Variants in ZBTB16 observed in about 807,000 individuals in gnomAD.
ZBTB16 encodes zinc finger and BTB domain-containing protein 16.
A neutral mutation model predicts 56.8 loss-of-function variants in ZBTB16; 8 were observed. The observed-to-expected ratio is 0.14, with a 90% CI of 0.08 to 0.25. The LOEUF is 0.25. ZBTB16 is among the 10% of genes least tolerant of loss of function. The pLI is 1.00. For synonymous variants in ZBTB16, 363 were observed against 368.5 expected (o/e 0.98, Z 0.17); for missense variants, 625 against 903.0 (o/e 0.69, Z 3.95).
chr11:114,203,774 T>A (rs565155406), intron 4 of ZBTB16, among the ~76,000 whole-genome samples: 1 of 152,294 alleles, frequency 6.6e-6, no homozygotes, highest in East Asian at 1.9e-4. Context: ...TGCAGGAGAC[T>A]GTGGCACCTT....
chr11:114,087,277 G>T (rs1262620419), intron 2 of ZBTB16, among the ~76,000 whole-genome samples: 2 of 152,160 alleles, frequency 1.3e-5, no homozygotes, highest in African/African-American at 2.4e-5. Context: ...ACAATCTTGT[G>T]GTTTCCACAA....
intron 4 of ZBTB16, among the ~76,000 whole-genome samples, chr11:114,202,999 C>A (rs932512273): frequency 1.3e-5 from 2 of 152,212 alleles, no homozygotes; most frequent in African/African-American, 4.8e-5. Context: ...TAAAAACTTA[C>A]TCATGAACAT....
intron 2 of ZBTB16, among the ~76,000 whole-genome samples, chr11:114,077,831 C>A (rs373316730): frequency 5.6e-4 from 86 of 152,330 alleles, no homozygotes; most frequent in African/African-American, 2.0e-3. Context: ...CTCCTAAATT[C>A]TGCTTTTGTC....
intron 3 of ZBTB16, among the ~76,000 whole-genome samples, chr11:114,182,075 G>T (rs914576372): frequency 5.9e-5 from 9 of 152,138 alleles, no homozygotes; most frequent in African/African-American, 1.9e-4. Flanking sequence ...TTTTGAGACA[G>T]GGTTTCACTC....
At chr11:114,131,330 A>G (rs1324313884) in intron 2 of ZBTB16, among the ~76,000 whole-genome samples, 1 of 152,252 alleles carries the variant, frequency 6.6e-6, no homozygotes, top group Non-Finnish European at 1.5e-5. Flanking sequence ...AAATGCCAAT[A>G]GTGCTGAGGC....
chr11:114,221,004 G>A (rs910318997), intron 4 of ZBTB16, among the ~76,000 whole-genome samples: 5 of 152,210 alleles, frequency 3.3e-5, no homozygotes, highest in South Asian at 2.1e-4. Flanking sequence ...CGTAGAATAC[G>A]TGTAAGCATC....
At chr11:114,243,454 G>C (rs915590672) in intron 5 of ZBTB16, among the ~76,000 whole-genome samples, 1 of 152,204 alleles carries the variant, frequency 6.6e-6, no homozygotes, top group Admixed American at 6.5e-5. Context: ...CCAGCAGCAG[G>C]TATCCTCATT....
intron 4 of ZBTB16, among the ~76,000 whole-genome samples, chr11:114,218,430 C>T (rs1944157618): frequency 6.6e-6 from 1 of 152,236 alleles, no homozygotes. Context: ...CCCTGTCCCA[C>T]ACTGATCCTA....
At chr11:114,197,618 A>C (rs1419922572) in intron 4 of ZBTB16, among the ~76,000 whole-genome samples, 1 of 140,778 alleles carries the variant, frequency 7.1e-6, no homozygotes, top group Non-Finnish European at 1.6e-5. Flanking sequence ...TGAACTTCAG[A>C]GTAGAAAATG....
chr11:114,103,820 A>G (rs948521926), intron 2 of ZBTB16, among the ~76,000 whole-genome samples: 1 of 152,108 alleles, frequency 6.6e-6, no homozygotes, highest in African/African-American at 2.4e-5. Flanking sequence ...TTCTATTTCA[A>G]ACAGAGGTGT....
At chr11:114,085,996 T>C (rs536802833) in intron 2 of ZBTB16, among the ~76,000 whole-genome samples, 2 of 152,262 alleles carry the variant, frequency 1.3e-5, no homozygotes, top group East Asian at 1.9e-4. Context: ...CTCAGCCTTC[T>C]ACGTATTTAG....
chr11:114,096,052 A>T (rs944394634), intron 2 of ZBTB16, among the ~76,000 whole-genome samples: 10 of 152,176 alleles, frequency 6.6e-5, no homozygotes, highest in Non-Finnish European at 1.5e-4. Flanking sequence ...ATTCCAAAAG[A>T]TCTACTTAAG....
intron 2 of ZBTB16, among the ~76,000 whole-genome samples, chr11:114,122,187 G>T (rs1381399172): frequency 1.3e-5 from 2 of 152,186 alleles, no homozygotes; most frequent in African/African-American, 4.8e-5. Context: ...GAAAAACATG[G>T]CATCCTTAGA....
At chr11:114,239,894 C>A (rs1433226926) in intron 4 of ZBTB16, among the ~76,000 whole-genome samples, 1 of 152,188 alleles carries the variant, frequency 6.6e-6, no homozygotes, top group Non-Finnish European at 1.5e-5. Context: ...ATTTTCAGAT[C>A]CCAACTCTGC....
chr11:114,178,809 C>T (rs1943180174), intron 3 of ZBTB16, among the ~76,000 whole-genome samples: 1 of 152,136 alleles, frequency 6.6e-6, no homozygotes, highest in African/African-American at 2.4e-5. Context: ...AGCATTTCCT[C>T]CTGACCCAGT....
intron 4 of ZBTB16, among the ~76,000 whole-genome samples, chr11:114,190,942 A>C (rs1365784627): frequency 1.3e-5 from 2 of 152,126 alleles, no homozygotes; most frequent in Non-Finnish European, 2.9e-5. Flanking sequence ...GGCTCTGGGG[A>C]GGCCTCAGGA....
At position 114,254,477 on chromosome 11, in the gene ZBTB16, T is replaced by C. The variant is rs774556811; in HGVS notation, c.*3922T>C. ...ATGCTATTGGTACAATTGCTGTGGA[T>C]GGAAGAGGGCCATTGAGCTTACCTC... On this transcript the variant is annotated 3_prime_UTR_variant, in exon 7 of 7. Coordinates refer to ENST00000335953, the MANE Select transcript of ZBTB16 (RefSeq NM_006006.6). 6.6e-6 allele frequency among the ~76,000 whole-genome samples: 1 copy of C among 152,166 alleles called. No individual in the cohort carries two copies. Among genetic ancestry groups the C allele is most frequent in the Non-Finnish European group, 1.5e-5 (1 of 68,016 alleles).
At chr11:114,220,582 C>T (rs998661987) in intron 4 of ZBTB16, among the ~76,000 whole-genome samples, 2 of 152,180 alleles carry the variant, frequency 1.3e-5, no homozygotes, top group Non-Finnish European at 2.9e-5. Flanking sequence ...AGATGGGAAG[C>T]TCTACCAGGG....
chr11:114,199,886 T>A (rs904338286), intron 4 of ZBTB16, among the ~76,000 whole-genome samples: 1 of 152,186 alleles, frequency 6.6e-6, no homozygotes, highest in Non-Finnish European at 1.5e-5. Flanking sequence ...CCCAGCACTT[T>A]GGGAGGCCGA....
Sources: gnomAD v4.1 joint callset for allele counts (sites outside exome capture counted in the v4.1 genomes callset) on GRCh38, gnomAD v4.1.1 for gene constraint, MANE v1.5 for transcripts, NCBI Gene and HGNC (gene_info 2026-07-23, HGNC 2026-07-21) for gene names.